The following AHRR variants were observed in gnomAD, a reference collection of about 807,000 sequenced individuals.
AHRR encodes the protein ahR repressor.
In AHRR, 28 loss-of-function variants were observed where a neutral mutation model predicts 44.0. The observed-to-expected ratio is 0.64, with a 90% CI of 0.47 to 0.87. AHRR has a LOEUF of 0.87. Among genes scored for constraint, AHRR ranks in the 40% least tolerant of loss-of-function variants. The probability of loss-of-function intolerance (pLI) is 0.00; values close to 1 mark genes in which losing one functional copy is unlikely to be tolerated. For missense variants in AHRR, 990 were observed against 953.9 expected (o/e 1.04, Z -0.50); for synonymous variants, 434 against 407.0 (o/e 1.07, Z -0.80).
intron 2 of AHRR, among the ~76,000 whole-genome samples, chr5:346,693 C>T (rs543978571): frequency 1.3e-5 from 2 of 152,320 alleles, no homozygotes; most frequent in South Asian, 4.1e-4. Context: ...CACCTGCAGA[C>T]CTCAGCCTCA....
Position 395,999 on chromosome 5 carries a change from G to C in AHRR, c.352-17345G>C, listed in dbSNP as rs567927931. ...CCAGAAGCGAAGGTATAAAACACCA[G>C]ATGGTAACACAGGACCACAACTCAG... On this transcript the variant is annotated intron_variant, in intron 4 of 10. Coordinates refer to ENST00000684583, the MANE Select transcript of AHRR (RefSeq NM_001377236.1). This position sits in a 1 kb window ranked among gnomAD's most constrained non-coding sequence, Gnocchi z 5.3. Among the ~76,000 whole-genome samples the C allele has an allele frequency of 2.6e-5, 4 of 152,210 alleles. No individual in the cohort carries two copies. The highest frequency in any genetic ancestry group is 5.9e-5 in the Non-Finnish European group (4 of 68,032).
chr5:434,871 T>C lies in AHRR; in HGVS notation c.*37T>C, dbSNP rs1736934886. Reference sequence around the variant, plus strand: ...CCATCCAAGCTCAGATCTGTGTGTCTACGCTCAGATGCGTCGGTGGCTGGG... The same window carrying C: ...CCATCCAAGCTCAGATCTGTGTGTCCACGCTCAGATGCGTCGGTGGCTGGG... On this transcript the variant is annotated 3_prime_UTR_variant, in exon 11 of 11. Coordinates refer to ENST00000684583, the MANE Select transcript of AHRR (RefSeq NM_001377236.1). The C allele has an allele frequency of 1.3e-6, 2 of 1,509,286 alleles. No individual in the cohort carries two copies. Among genetic ancestry groups the C allele is most frequent in the South Asian group, 1.3e-5 (1 of 77,880 alleles). 93.5% of individuals were successfully genotyped at this position (1,509,286 alleles called of 1,614,324 possible). A position where few individuals can be genotyped will look rare whatever the true frequency, so the allele number is the denominator to read the frequency against.
chr5:364,430 T>A (rs1467720317), intron 3 of AHRR, among the ~76,000 whole-genome samples: 1 of 152,134 alleles, frequency 6.6e-6, no homozygotes, highest in Admixed American at 6.6e-5. Flanking sequence ...TGATACAAAT[T>A]TGAAGAGGGT....
chr5:397,648 C>CCCTGACCATCCACATAGCT (rs1734792952), intron 4 of AHRR, among the ~76,000 whole-genome samples: 1 of 118,906 alleles, frequency 8.4e-6, no homozygotes, highest in African/African-American at 3.9e-5. Context: ...TCCACATAGC[C>CCCTGACCATCCACATAGCT]CCTGACCATC....
chr5:337,259 G>A lies in AHRR; in HGVS notation c.-10-6634G>A, dbSNP rs2126343770. Among the ~76,000 whole-genome samples, 1 of 151,946 alleles carries A rather than the reference G, an allele frequency of 6.6e-6. No homozygotes were observed. Among genetic ancestry groups the A allele is most frequent in the Middle Eastern group, 3.4e-3 (1 of 294 alleles). ...AACCCCAGCCCACTTAGACTCCACT[G>A]TCCTCCCCACTTTATAGAGAAGCAA... is the stretch of plus-strand genomic sequence containing the variant. On this transcript the variant is annotated intron_variant, in intron 1 of 10. Coordinates refer to ENST00000684583, the MANE Select transcript of AHRR (RefSeq NM_001377236.1). The surrounding 1 kb of genome is among the most constrained non-coding windows in gnomAD (Gnocchi z 4.1).
chr5:341,655 G>C (rs907861324), intron 1 of AHRR, among the ~76,000 whole-genome samples: 9 of 151,650 alleles, frequency 5.9e-5, no homozygotes, highest in Non-Finnish European at 1.2e-4. Flanking sequence ...CAGAGTAGCT[G>C]GGATTATAGG....
intron 2 of AHRR, among the ~76,000 whole-genome samples, chr5:347,121 G>A (rs1742707057): frequency 6.6e-6 from 1 of 152,176 alleles, no homozygotes; most frequent in African/African-American, 2.4e-5. Context: ...TCAGATATTG[G>A]TGATTTTAAT....
At chr5:432,082 C>T (rs1242528660) in intron 8 of AHRR, 1 of 258,150 alleles carries the variant, frequency 3.9e-6, no homozygotes, top group Non-Finnish European at 7.5e-6. Context: ...TGGTCTCCAA[C>T]TCACCTCAGT....
chr5:434,461 C>G lies in AHRR; in HGVS notation c.1721C>G (p.Thr574Arg), dbSNP rs1560927524. ...TTCCCTACCAGGATGCACCTGAAAA[C>G]AGAGCCAGACTCTCGGCAACAGGTG... ...ATFPTRMHLK[T>R]EPDSRQQVYI... The change falls in exon 11 of 11, where the codon ACA becomes AGA. Residue 574 changes from threonine (T) to arginine (R), a missense_variant. Thr to Arg is a moderately conservative substitution (Grantham distance 71). Transcript: ENST00000684583. 7 of 1,613,376 alleles carry G rather than the reference C, an allele frequency of 4.3e-6. No individual in the cohort carries two copies. Among genetic ancestry groups the G allele is most frequent in the Non-Finnish European group, 5.1e-6 (6 of 1,180,012 alleles).
intron 4 of AHRR, 23 bp downstream of exon 4, chr5:376,739 C>A: frequency 6.3e-7 from 1 of 1,576,088 alleles, no homozygotes; most frequent in Admixed American, 1.8e-5. Context: ...CTTGGTACCT[C>A]GAACACTTGA....
intron 1 of AHRR, among the ~76,000 whole-genome samples, chr5:335,478 T>C (rs1742087745): frequency 6.6e-6 from 1 of 152,098 alleles, no homozygotes; most frequent in Non-Finnish European, 1.5e-5. Context: ...GTCCTCCAGG[T>C]CGCTGGATCC....
rs1048943251 is a variant in AHRR at position 387,829 on chromosome 5, G to T, written c.351+11113G>T. ...AAACTGTGTGGCTCGAACAACAGGG[G>T]TTATTCTTCACAGCCTGGAGGCCAG... On this transcript the variant is annotated intron_variant, in intron 4 of 10. Coordinates refer to ENST00000684583, the MANE Select transcript of AHRR (RefSeq NM_001377236.1). This position sits in a 1 kb window ranked among gnomAD's most constrained non-coding sequence, Gnocchi z 5.1. 2.0e-5 allele frequency among the ~76,000 whole-genome samples: 3 copies of T among 152,240 alleles called. No individual in the cohort carries two copies. The highest frequency in any genetic ancestry group is 7.2e-5 in the African/African-American group (3 of 41,458).
intron 3 of AHRR, among the ~76,000 whole-genome samples, chr5:359,190 A>G (rs753333902): frequency 0.032 from 373 of 11,698 alleles, 1 homozygote; most frequent in Middle Eastern, 0.062. Flanking sequence ...TCAGCGACTG[A>G]GGAAGAGCGC....
chr5:424,933 G>T (rs535932895), intron 7 of AHRR, among the ~76,000 whole-genome samples: 1 of 152,348 alleles, frequency 6.6e-6, no homozygotes, highest in South Asian at 2.1e-4. Flanking sequence ...CAGGCACTGT[G>T]GTCCCCCTGG....
At chr5:408,076 C>T (rs1579679834) in intron 4 of AHRR, among the ~76,000 whole-genome samples, 1 of 152,342 alleles carries the variant, frequency 6.6e-6, no homozygotes, top group East Asian at 1.9e-4. Flanking sequence ...GCTGTCTCCA[C>T]CCCTGGCACT....
chr5:322,075 C>G (rs1033703884), intron 1 of AHRR, among the ~76,000 whole-genome samples: 1 of 152,078 alleles, frequency 6.6e-6, no homozygotes, highest in Middle Eastern at 3.4e-3. Context: ...AGCGTCCCCT[C>G]GAGAGTGTTC....
chr5:386,099 C>CT (rs1346053271), intron 4 of AHRR, among the ~76,000 whole-genome samples: 2 of 151,836 alleles, frequency 1.3e-5, no homozygotes, highest in Non-Finnish European at 2.9e-5. Flanking sequence ...GACTTTTTAG[C>CT]TTTTTTTTAA....
Position 406,917 on chromosome 5 carries a change from A to G in AHRR, c.352-6427A>G, listed in dbSNP as rs117525331. 2.0e-5 allele frequency among the ~76,000 whole-genome samples: 3 copies of G among 152,226 alleles called. No homozygotes were observed. Among genetic ancestry groups the G allele is most frequent in the Non-Finnish European group, 4.4e-5 (3 of 68,032 alleles). ...CAGGCAATAATAACAAAGTTTCTTA[A>G]TAGGGCACCAGTTATTGAAAAGCCT... On this transcript the variant is annotated intron_variant, in intron 4 of 10. Transcript: ENST00000684583. This position sits in a 1 kb window ranked among gnomAD's most constrained non-coding sequence, Gnocchi z 4.7.
rs1387136040 is a variant in AHRR, at chr5:435,097, C to A, written c.*263C>A. 4 of 510,438 alleles carry A rather than the reference C, an allele frequency of 7.8e-6. No individual in the cohort carries two copies. The Admixed American group carries it at 1.4e-4, about 18-fold the overall frequency. The allele number at this position is 510,438 out of a possible 1,614,324, so 31.6% of individuals were successfully genotyped here. On this transcript the variant is annotated 3_prime_UTR_variant, in exon 11 of 11. Coordinates refer to ENST00000684583, the MANE Select transcript of AHRR (RefSeq NM_001377236.1). ...GCATTTCTCTTTGAGGAATTAAAAT[C>A]TTTAGGAAAGTGATCATGGCTGGAC...
Sources: allele counts gnomAD v4.1 joint callset (sites outside exome capture counted in the v4.1 genomes callset), GRCh38; gene constraint gnomAD v4.1.1; non-coding constraint Gnocchi (gnomAD v3.1); transcripts MANE v1.5; gene names NCBI Gene and HGNC (gene_info 2026-07-23, HGNC 2026-07-21).